PCBP3: variants seen among roughly 807,000 people sequenced by gnomAD.
The protein encoded by PCBP3 is poly(rC) binding protein 3, also known as poly(rC)-binding protein 3.
Under a neutral mutation model 52.7 loss-of-function variants are expected in PCBP3, and 25 were observed. That is an observed-to-expected ratio of 0.47 (90% CI 0.35 to 0.66). PCBP3 has a LOEUF of 0.66. PCBP3 is among the 30% of genes least tolerant of loss of function. PCBP3 has a pLI of 0.01. For synonymous variants in PCBP3, 162 were observed against 183.0 expected (o/e 0.89, Z 0.93); for missense variants, 391 against 490.3 (o/e 0.80, Z 1.91).
chr21:45,835,828 G>A (rs903942564), intron 4 of PCBP3, among the ~76,000 whole-genome samples: 1 of 152,146 alleles, frequency 6.6e-6, no homozygotes, highest in Non-Finnish European at 1.5e-5. Context: ...ACCCGCAGGA[G>A]GTCTGGGCCT....
At chr21:45,934,638 G>C (rs1300928349) in intron 15 of PCBP3, among the ~76,000 whole-genome samples, 1 of 152,356 alleles carries the variant, frequency 6.6e-6, no homozygotes, top group East Asian at 1.9e-4. Context: ...GGCCTGAGCT[G>C]TCTGAGCCAG....
At chr21:45,874,921 A>G (rs991255029) in intron 5 of PCBP3, among the ~76,000 whole-genome samples, 5 of 152,020 alleles carry the variant, frequency 3.3e-5, no homozygotes, top group Non-Finnish European at 7.4e-5. Context: ...CCCTAGACTC[A>G]CGAGAGAGCA....
intron 3 of PCBP3, among the ~76,000 whole-genome samples, chr21:45,754,135 T>C (rs2087804637): frequency 1.3e-5 from 2 of 152,316 alleles, no homozygotes; most frequent in South Asian, 4.1e-4. Flanking sequence ...CAAGACTGCT[T>C]TCCAAAATTA....
At chr21:45,757,588 ACTACTGG>A (rs1224279026) in intron 4 of PCBP3, among the ~76,000 whole-genome samples, 1 of 152,162 alleles carries the variant, frequency 6.6e-6, no homozygotes, top group East Asian at 1.9e-4. Context: ...TAGCTAAGAA[ACTACTGG>A]CTAATCCGAG....
In PCBP3 at chr21:45,941,659, GT is replaced by G; in HGVS notation, c.1080-10del. The G allele has an allele frequency of 6.2e-7, 1 of 1,605,904 alleles. No individual in the cohort carries two copies. The highest frequency in any genetic ancestry group is 8.5e-7 in the Non-Finnish European group (1 of 1,176,166). On this transcript the variant is annotated splice_polypyrimidine_tract_variant and intron_variant, in intron 17 of 17. Transcript: ENST00000681687. ...GACCGTCTCTCCCTCTCCTGCCTTT[GT>G]CTGTTCCAGGCTGACGTCCGAGGTC...
Position 45,791,427 on chromosome 21 carries a change from C to G in PCBP3, c.-126+35975C>G, listed in dbSNP as rs534943139. On this transcript the variant is annotated intron_variant, in intron 4 of 17. Coordinates refer to ENST00000681687, the MANE Select transcript of PCBP3 (RefSeq NM_001384156.1). This position sits in a 1 kb window ranked among gnomAD's most constrained non-coding sequence, Gnocchi z 4.2. ...TGTGTGCAGCTCCAGAGTCTAGGCA[C>G]GGAATTGACAGAGAGTGAGACTTTA... 2.0e-5 allele frequency among the ~76,000 whole-genome samples: 3 copies of G among 151,878 alleles called. No individual in the cohort carries two copies.
In PCBP3 at chr21:45,901,013, A is replaced by C. The variant is rs373743617; in HGVS notation, c.239A>C (p.Asn80Thr). 1 of 1,613,402 alleles carries C rather than the reference A, an allele frequency of 6.2e-7. No individual in the cohort carries two copies. The highest frequency in any genetic ancestry group is 1.3e-5 in the African/African-American group (1 of 74,908). ...KMREESGARI[N>T]ISEGNCPERI... The stretch of plus-strand genomic sequence containing the variant: ...TCACCTTAGAGTGGTGCAAGGATCA[A>C]CATCTCAGAGGGAAACTGCCCAGAG... Residue 80 changes from asparagine (N) to threonine (T), a missense_variant, in exon 9 of 18, where the codon AAC becomes ACC. Transcript: ENST00000681687.
intron 4 of PCBP3, chr21:45,828,083 A>C (rs2093352158): frequency 6.6e-6 from 1 of 152,344 alleles, no homozygotes; most frequent in South Asian, 2.1e-4. Context: ...GGAGCAGAGC[A>C]GTGAGAGCAC....
Position 45,791,822 on chromosome 21 carries a change from A to G in PCBP3, c.-126+36370A>G, listed in dbSNP as rs184239016. On this transcript the variant is annotated intron_variant, in intron 4 of 17. Transcript: ENST00000681687. The surrounding 1 kb of genome is among the most constrained non-coding windows in gnomAD (Gnocchi z 4.2). ...ACAGACAACAGAGAAATTGCAGGGT[A>G]AGGCTTAAATAATCCTAAAGCAACT... 5.3e-5 allele frequency among the ~76,000 whole-genome samples: 8 copies of G among 152,362 alleles called. No individual in the cohort carries two copies. Among genetic ancestry groups the G allele is most frequent in the Non-Finnish European group, 8.8e-5 (6 of 68,030 alleles).
intron 5 of PCBP3, 158 bp from the exon 6 acceptor site, chr21:45,896,050 C>T (rs1163855454): frequency 3.0e-6 from 2 of 664,580 alleles, no homozygotes; most frequent in Non-Finnish European, 5.2e-6. Flanking sequence ...TCCCGTGCAC[C>T]CTGTGCCCAG....
At chr21:45,654,581 T>C (rs1050883584) in intron 1 of PCBP3, among the ~76,000 whole-genome samples, 9 of 152,162 alleles carry the variant, frequency 5.9e-5, no homozygotes, top group Non-Finnish European at 1.2e-4. Flanking sequence ...CCTCGTGATC[T>C]GCCCACCTTG....
In PCBP3 at chr21:45,880,444, G is replaced by C. The variant is rs974620250; in HGVS notation, c.11-15764G>C. ...TGTCTGAATGAAAAACGCAGGAGTG[G>C]GTGGTGTGGGAGAAAATAGGATTAC... On this transcript the variant is annotated intron_variant, in intron 5 of 17. Coordinates refer to ENST00000681687, the MANE Select transcript of PCBP3 (RefSeq NM_001384156.1). The surrounding 1 kb of genome is among the most constrained non-coding windows in gnomAD (Gnocchi z 5.4). Among the ~76,000 whole-genome samples the C allele has an allele frequency of 1.3e-5, 2 of 152,242 alleles. No homozygotes were observed. Among genetic ancestry groups the C allele is most frequent in the Non-Finnish European group, 2.9e-5 (2 of 68,050 alleles).
chr21:45,864,865 C>T (rs1375678009), intron 5 of PCBP3, among the ~76,000 whole-genome samples: 2 of 152,184 alleles, frequency 1.3e-5, no homozygotes, highest in African/African-American at 2.4e-5. Flanking sequence ...AATTCTTCTA[C>T]ATTTTAGTTG....
At chr21:45,797,379 C>G (rs368002339) in intron 4 of PCBP3, among the ~76,000 whole-genome samples, 2,663 of 85,822 alleles carry the variant, frequency 0.031, 76 homozygotes, top group African/African-American at 0.11. Context: ...AGAGTGAATG[C>G]ATGGATAGTT....
chr21:45,659,693 G>A (rs1440850750), intron 1 of PCBP3, among the ~76,000 whole-genome samples: 1 of 151,906 alleles, frequency 6.6e-6, no homozygotes, highest in Non-Finnish European at 1.5e-5. Context: ...TTCCCTTGTG[G>A]TTTCTCCCTT....
chr21:45,719,509 A>G (rs762922276), intron 2 of PCBP3, among the ~76,000 whole-genome samples: 28 of 152,086 alleles, frequency 1.8e-4, no homozygotes, highest in Admixed American at 4.6e-4. Flanking sequence ...AAATCCACAC[A>G]TGTCAAGGGC....
chr21:45,861,104 C>T (rs1416947938), intron 5 of PCBP3, among the ~76,000 whole-genome samples: 1 of 152,222 alleles, frequency 6.6e-6, no homozygotes, highest in Non-Finnish European at 1.5e-5. Context: ...ACACCCTCAG[C>T]TCCTCCCTTC....
Position 45,899,400 on chromosome 21 carries a change from C to T in PCBP3, c.166-199C>T, listed in dbSNP as rs745350309. On this transcript the variant is annotated intron_variant, in intron 6 of 17. Transcript: ENST00000681687. Reference sequence around the variant, plus strand: ...GCGCCAAGGAAGACCCGGCTCAGGGCCTCTGTATGGGCAGCCTGGCTTGTA... The same window carrying T: ...GCGCCAAGGAAGACCCGGCTCAGGGTCTCTGTATGGGCAGCCTGGCTTGTA... Among the ~76,000 whole-genome samples, 4 of 152,276 alleles carry T rather than the reference C, an allele frequency of 2.6e-5. No individual in the cohort carries two copies. In the East Asian group the frequency reaches 7.7e-4, roughly 29 times the overall value.
chr21:45,710,832 CATTT>C (rs1395274667), intron 2 of PCBP3, among the ~76,000 whole-genome samples: 7 of 152,274 alleles, frequency 4.6e-5, no homozygotes, highest in Admixed American at 2.6e-4. Context: ...TTTTTCCAAT[CATTT>C]ATTTATTTAA....
Sources: allele counts gnomAD v4.1 joint callset (sites outside exome capture counted in the v4.1 genomes callset), GRCh38; gene constraint gnomAD v4.1.1; non-coding constraint Gnocchi (gnomAD v3.1); transcripts MANE v1.5; gene names NCBI Gene and HGNC (gene_info 2026-07-23, HGNC 2026-07-21).